Variants in RAP1GDS1 observed in about 807,000 individuals in gnomAD.
The protein encoded by RAP1GDS1 is Rap1 GTPase-GDP dissociation stimulator 1.
A neutral mutation model predicts 71.1 loss-of-function variants in RAP1GDS1; 35 were observed. That is an observed-to-expected ratio of 0.49 (90% CI 0.38 to 0.65). The LOEUF (loss-of-function observed/expected upper bound fraction) is 0.65, where lower values mean the gene tolerates loss of function less well. Among genes scored for constraint, RAP1GDS1 ranks in the 30% least tolerant of loss-of-function variants. RAP1GDS1 has a pLI of 0.00. For missense variants in RAP1GDS1, 663 were observed against 706.1 expected (o/e 0.94, Z 0.69); for synonymous variants, 229 against 243.1 (o/e 0.94, Z 0.54).
At chr4:98,336,171 A>T (rs544154797) in intron 2 of RAP1GDS1, among the ~76,000 whole-genome samples, 2 of 152,160 alleles carry the variant, frequency 1.3e-5, no homozygotes, top group African/African-American at 4.8e-5. Flanking sequence ...TGTATTTCTT[A>T]TAGGTAAATA....
intron 5 of RAP1GDS1, among the ~76,000 whole-genome samples, chr4:98,383,058 T>C (rs190439544): frequency 1.6e-4 from 24 of 151,790 alleles, no homozygotes; most frequent in African/African-American, 5.3e-4. Flanking sequence ...AGCAAAGCAC[T>C]AAAGACCAGA....
chr4:98,358,804 T>C (rs1738307821), intron 4 of RAP1GDS1, among the ~76,000 whole-genome samples: 1 of 151,962 alleles, frequency 6.6e-6, no homozygotes, highest in African/African-American at 2.4e-5. Context: ...CCAATGTCAG[T>C]GTCCTGGTTA....
intron 6 of RAP1GDS1, among the ~76,000 whole-genome samples, chr4:98,393,381 C>A (rs1192605659): frequency 6.6e-6 from 1 of 152,048 alleles, no homozygotes; most frequent in Non-Finnish European, 1.5e-5. Flanking sequence ...TTATACTAGC[C>A]TAATTAACAC....
chr4:98,329,682 G>T (rs895085144), intron 2 of RAP1GDS1, among the ~76,000 whole-genome samples: 1 of 151,436 alleles, frequency 6.6e-6, no homozygotes, highest in Non-Finnish European at 1.5e-5. Context: ...CCAGCTACTC[G>T]GGAGGCTGAG....
At chr4:98,340,078 G>A (rs1336007337) in intron 2 of RAP1GDS1, among the ~76,000 whole-genome samples, 1 of 151,766 alleles carries the variant, frequency 6.6e-6, no homozygotes, top group Admixed American at 6.6e-5. Context: ...TACACTGCTG[G>A]TGGGAATGTA....
intron 4 of RAP1GDS1, among the ~76,000 whole-genome samples, chr4:98,354,114 C>T (rs906218701): frequency 1.3e-5 from 2 of 148,778 alleles, no homozygotes; most frequent in African/African-American, 5.0e-5. Flanking sequence ...GGACTGCGGA[C>T]TGCAGTGGCG....
chr4:98,311,904 G>A (rs531806718), intron 2 of RAP1GDS1, among the ~76,000 whole-genome samples: 4 of 152,276 alleles, frequency 2.6e-5, no homozygotes, highest in Middle Eastern at 3.4e-3. Context: ...CTCCCAAACC[G>A]TAGGGTTAGC....
chr4:98,326,566 T>G (rs1733127358), intron 2 of RAP1GDS1, among the ~76,000 whole-genome samples: 1 of 152,240 alleles, frequency 6.6e-6, no homozygotes, highest in Non-Finnish European at 1.5e-5. Flanking sequence ...ACTACAGATC[T>G]TAATCACTTC....
At chr4:98,302,101 G>A (rs1448435032) in intron 2 of RAP1GDS1, among the ~76,000 whole-genome samples, 1 of 152,074 alleles carries the variant, frequency 6.6e-6, no homozygotes, top group Non-Finnish European at 1.5e-5. Flanking sequence ...CTACAAAAAA[G>A]AAAGCAGAAA....
rs1721936863 is a variant in RAP1GDS1, at chr4:98,261,397, G to A, written c.-169G>A. On this transcript the variant is annotated 5_prime_UTR_variant, in exon 1 of 15. Transcript: ENST00000408927. ...CCGCCCCCCGCCGCTCGTCCCCGCCGCGGCCGCGCCGCCTGCAGCAGCACC... is the reference window on the plus strand; with the variant it reads ...CCGCCCCCCGCCGCTCGTCCCCGCCACGGCCGCGCCGCCTGCAGCAGCACC... The A allele has an allele frequency of 8.1e-6, 1 of 123,182 alleles. No homozygotes were observed. The highest frequency in any genetic ancestry group is 3.0e-4 in the South Asian group (1 of 3,290). The allele number at this position is 123,182 out of a possible 1,614,324, so 7.6% of individuals were successfully genotyped here.
chr4:98,304,341 C>A (rs1191787396), intron 2 of RAP1GDS1, among the ~76,000 whole-genome samples: 1 of 152,198 alleles, frequency 6.6e-6, no homozygotes, highest in Non-Finnish European at 1.5e-5. Context: ...TATTTCTCCA[C>A]AGCCTTGCCA....
intron 13 of RAP1GDS1, among the ~76,000 whole-genome samples, chr4:98,436,107 A>G (rs1751104809): frequency 6.6e-6 from 1 of 151,514 alleles, no homozygotes; most frequent in African/African-American, 2.4e-5. Context: ...TATCGGTATA[A>G]GGTACGAGGT....
At chr4:98,312,703 G>A (rs1252375018) in intron 2 of RAP1GDS1, among the ~76,000 whole-genome samples, 3 of 151,968 alleles carry the variant, frequency 2.0e-5, no homozygotes, top group Non-Finnish European at 2.9e-5. Flanking sequence ...GTATGTGTAT[G>A]TTTGTGTAGC....
chr4:98,420,333 ATAT>A (rs1483387936), intron 11 of RAP1GDS1, among the ~76,000 whole-genome samples, 189 bp downstream of exon 11: 49 of 150,114 alleles, frequency 3.3e-4, no homozygotes, highest in African/African-American at 6.1e-4. Context: ...TTATTTATAC[ATAT>A]TATTTATTTA....
In RAP1GDS1 at chr4:98,379,092, T is replaced by TA; in HGVS notation, c.439dup (p.Thr147AsnfsTer6). Reference sequence around the variant, plus strand: ...GACCATTTAAGGTCACTGTGCAGTATAACAGATCCCGCCAATGAGAAGCTC... The same window carrying TA: ...GACCATTTAAGGTCACTGTGCAGTATAAACAGATCCCGCCAATGAGAAGCTC... On this transcript the variant is annotated frameshift_variant, in exon 5 of 15. Transcript: ENST00000408927. LOFTEE classifies it high-confidence loss of function. 1 of 1,611,268 alleles carries TA rather than the reference T, an allele frequency of 6.2e-7. No homozygotes were observed. The highest frequency in any genetic ancestry group is 8.5e-7 in the Non-Finnish European group (1 of 1,178,418).
rs774949562 is a variant in RAP1GDS1 at position 98,442,158 on chromosome 4, CCT to C, written c.*44_*45del. On this transcript the variant is annotated 3_prime_UTR_variant, in exon 15 of 15. Coordinates refer to ENST00000408927, the MANE Select transcript of RAP1GDS1 (RefSeq NM_001100427.2). Reference sequence around the variant, plus strand: ...CGGCATCATCCCATCTCTAATTTCCCCTCTGTCCTCCATCCAGCGGCTTCTTC... The same window carrying C: ...CGGCATCATCCCATCTCTAATTTCCCCTGTCCTCCATCCAGCGGCTTCTTC... The C allele has an allele frequency of 5.6e-6, 9 of 1,600,994 alleles. No individual in the cohort carries two copies. The highest frequency in any genetic ancestry group is 2.2e-5 in the East Asian group (1 of 44,756).
intron 13 of RAP1GDS1, among the ~76,000 whole-genome samples, chr4:98,434,402 T>C (rs1750866569): frequency 6.6e-6 from 1 of 152,192 alleles, no homozygotes; most frequent in African/African-American, 2.4e-5. Flanking sequence ...AAGAGTCTGC[T>C]ACTCTCCCAG....
intron 5 of RAP1GDS1, among the ~76,000 whole-genome samples, chr4:98,386,345 T>C (rs893338978): frequency 1.2e-4 from 19 of 152,032 alleles, no homozygotes; most frequent in South Asian, 2.1e-4. Flanking sequence ...CTTTGGCATT[T>C]TTTTGTTGTT....
chr4:98,294,353 TG>T (rs556539711), intron 2 of RAP1GDS1, among the ~76,000 whole-genome samples: 4 of 152,148 alleles, frequency 2.6e-5, no homozygotes, highest in South Asian at 2.1e-4. Flanking sequence ...TATTGATATA[TG>T]TTTTTTTTAT....
Sources: allele counts gnomAD v4.1 joint callset (sites outside exome capture counted in the v4.1 genomes callset), GRCh38; gene constraint gnomAD v4.1.1; transcripts MANE v1.5; gene names NCBI Gene and HGNC (gene_info 2026-07-23, HGNC 2026-07-21).